The following ECPAS variants were observed in gnomAD, a reference collection of about 807,000 sequenced individuals.
ECPAS encodes proteasome adapter and scaffold protein ECM29.
In ECPAS, 70 loss-of-function variants were observed where a neutral mutation model predicts 255.1. That is an observed-to-expected ratio of 0.27 (90% CI 0.23 to 0.33). The LOEUF is 0.33. Among genes scored for constraint, ECPAS ranks in the 10% least tolerant of loss-of-function variants. The pLI is 1.00. For synonymous variants in ECPAS, 784 were observed against 775.0 expected (o/e 1.01, Z -0.19); for missense variants, 1,817 against 2,206.4 (o/e 0.82, Z 3.54).
At chr9:111,476,353 A>G (rs1564571264) in intron 1 of ECPAS, among the ~76,000 whole-genome samples, 1 of 152,234 alleles carries the variant, frequency 6.6e-6, no homozygotes, top group Non-Finnish European at 1.5e-5. Flanking sequence ...AAGTGGCAGA[A>G]GATAGTATTA....
intron 12 of ECPAS, among the ~76,000 whole-genome samples, chr9:111,424,301 A>C (rs1175903263): frequency 6.6e-6 from 1 of 152,192 alleles, no homozygotes; most frequent in Admixed American, 6.5e-5. Flanking sequence ...AACTCATTCA[A>C]TCTTCACAGT....
At position 111,370,493 on chromosome 9, in the gene ECPAS, G is replaced by A. The variant is rs771565774; in HGVS notation, c.4916C>T (p.Ala1639Val). The A allele has an allele frequency of 1.2e-6, 2 of 1,611,062 alleles. No homozygotes were observed. Among genetic ancestry groups the A allele is most frequent in the Non-Finnish European group, 1.7e-6 (2 of 1,178,626 alleles). The change falls in exon 45 of 50, where the codon GCC becomes GTC. Residue 1639 changes from alanine (A) to valine (V), a missense_variant. This residue lies in a region of ECPAS where 960 missense variants were observed against 1,179.0 expected (regional missense o/e 0.81). Transcript: ENST00000684092. ...CTCCTGGAATCTGTCCTCTTTGGTG[G>A]CCTTCAAGATATCAGCTGCACAGCT... ...AISCAADILK[A>V]TKEDRFQEFS...
rs751687233 is a variant in ECPAS at position 111,407,428 on chromosome 9, A to AAAAAAAAAAAAAAAAAAAAAAAAAAAAAG, written c.2652+1142_2652+1143insCTTTTTTTTTTTTTTTTTTTTTTTTTTTT. On this transcript the variant is annotated intron_variant, in intron 24 of 49. Transcript: ENST00000684092. ...GAAAAAAAAAAAAAAAAAAAAAAAA[A>AAAAAAAAAAAAAAAAAAAAAAAAAAAAAG]AAAAAAAAAACCTAGAAGAAACCCA... 1.5e-4 allele frequency among the ~76,000 whole-genome samples: 15 copies of AAAAAAAAAAAAAAAAAAAAAAAAAAAAAG among 98,822 alleles called. 2 individuals are homozygous for AAAAAAAAAAAAAAAAAAAAAAAAAAAAAG. The highest frequency in any genetic ancestry group is 2.1e-4 in the Non-Finnish European group (8 of 38,758). 64.8% of individuals were successfully genotyped at this position (98,822 alleles called of 152,430 possible).
intron 25 of ECPAS, among the ~76,000 whole-genome samples, chr9:111,395,641 C>A (rs1344867075): frequency 6.6e-6 from 1 of 152,134 alleles, no homozygotes; most frequent in Non-Finnish European, 1.5e-5. Context: ...AGATGCCTCT[C>A]TACTAACCTC....
At chr9:111,438,953 G>A (rs1008539482) in intron 6 of ECPAS, among the ~76,000 whole-genome samples, 3 of 152,186 alleles carry the variant, frequency 2.0e-5, no homozygotes, top group Admixed American at 2.0e-4. Flanking sequence ...AGGAAAGAAA[G>A]AAGATGAAAA....
At position 111,385,360 on chromosome 9, in the gene ECPAS, A is replaced by G. The variant is rs767931399; in HGVS notation, c.3610T>C (p.Phe1204Leu). ...ACCTTGATATCATCTTGTACTCTAAAAAGCGTTTCCCAAATTTCTGGAAGT... is the reference window on the plus strand; with the variant it reads ...ACCTTGATATCATCTTGTACTCTAAGAAGCGTTTCCCAAATTTCTGGAAGT... The part of the protein sequence containing the change: ...DKLPEIWETL[F>L]RVQDDIKESV... The change falls in exon 33 of 50, where the codon TTT (phenylalanine) becomes CTT (leucine). Residue 1204 changes from phenylalanine (F) to leucine (L), a missense_variant. This residue lies in a region of ECPAS where 960 missense variants were observed against 1,179.0 expected (regional missense o/e 0.81). Coordinates refer to ENST00000684092, the MANE Select transcript of ECPAS (RefSeq NM_001364929.1). 1 of 1,555,498 alleles carries G rather than the reference A, an allele frequency of 6.4e-7. No individual in the cohort carries two copies. Among genetic ancestry groups the G allele is most frequent in the African/African-American group, 1.4e-5 (1 of 73,688 alleles).
intron 12 of ECPAS, among the ~76,000 whole-genome samples, chr9:111,424,824 T>C (rs191059199): frequency 7.2e-4 from 110 of 152,352 alleles, no homozygotes; most frequent in African/African-American, 2.6e-3. Flanking sequence ...ATTCCATTTT[T>C]GCACAATAGC....
At chr9:111,405,362 T>C (rs896660653) in intron 24 of ECPAS, among the ~76,000 whole-genome samples, 12 of 149,594 alleles carry the variant, frequency 8.0e-5, no homozygotes, top group Non-Finnish European at 5.9e-5. Flanking sequence ...GATATCCACA[T>C]GTAGAATAAT....
chr9:111,422,277 C>G (rs1346232346), intron 13 of ECPAS, 77 bp from the exon 14 acceptor site: 1 of 1,458,594 alleles, frequency 6.9e-7, no homozygotes, highest in South Asian at 1.2e-5. Context: ...AAACTAAACA[C>G]AAATTTTCCT....
intron 16 of ECPAS, among the ~76,000 whole-genome samples, chr9:111,418,349 T>C (rs1564531539): frequency 6.6e-6 from 1 of 152,132 alleles, no homozygotes; most frequent in African/African-American, 2.4e-5. Flanking sequence ...ATTTTAGAAG[T>C]CAGTGACTAT....
intron 2 of ECPAS, among the ~76,000 whole-genome samples, chr9:111,469,663 G>A (rs893327234): frequency 2.0e-5 from 3 of 151,696 alleles, no homozygotes; most frequent in African/African-American, 7.3e-5. Flanking sequence ...ACAAAAATTA[G>A]CTAGGCATGG....
intron 2 of ECPAS, among the ~76,000 whole-genome samples, chr9:111,459,346 C>T (rs2098270569): frequency 1.3e-5 from 2 of 152,088 alleles, no homozygotes; most frequent in African/African-American, 4.8e-5. Flanking sequence ...CTGCCTCAAA[C>T]TCCCAAAGTG....
chr9:111,368,049 C>CA (rs559294765), intron 46 of ECPAS, among the ~76,000 whole-genome samples: 1,927 of 141,956 alleles, frequency 0.014, 42 homozygotes, highest in African/African-American at 0.044. Flanking sequence ...AAAAAACAAA[C>CA]AAAAAAAAAA....
At chr9:111,389,833 C>A in intron 30 of ECPAS, 110 bp from the exon 31 acceptor site, 1 of 1,249,600 alleles carries the variant, frequency 8.0e-7, no homozygotes, top group Non-Finnish European at 1.1e-6. Flanking sequence ...ATTTATTGGT[C>A]TTTCCAATCA....
chr9:111,411,246 A>T, intron 21 of ECPAS, 104 bp from the exon 22 acceptor site: 1 of 1,179,390 alleles, frequency 8.5e-7, no homozygotes, highest in South Asian at 1.4e-5. Flanking sequence ...CCAACAAAAC[A>T]TAAGGCTAAA....
intron 29 of ECPAS, 110 bp downstream of exon 29, chr9:111,391,646 C>A: frequency 1.6e-6 from 1 of 639,164 alleles, no homozygotes; most frequent in Non-Finnish European, 2.7e-6. Context: ...CAATAGATAA[C>A]ATTTCCTAAG....
intron 20 of ECPAS, among the ~76,000 whole-genome samples, chr9:111,413,622 T>C (rs893804075): frequency 2.0e-5 from 3 of 151,278 alleles, no homozygotes; most frequent in African/African-American, 7.3e-5. Context: ...CACAAATCTA[T>C]TGCTTATTTT....
At chr9:111,422,941 G>C (rs1463718567) in intron 13 of ECPAS, among the ~76,000 whole-genome samples, 1 of 152,134 alleles carries the variant, frequency 6.6e-6, no homozygotes, top group Non-Finnish European at 1.5e-5. Context: ...TACAAAAAAA[G>C]TAACCCATTA....
chr9:111,376,977 T>C (rs1439645871), intron 36 of ECPAS, among the ~76,000 whole-genome samples: 1 of 152,206 alleles, frequency 6.6e-6, no homozygotes, highest in Non-Finnish European at 1.5e-5. Context: ...ACAACTGTGC[T>C]GAAGGAGAGG....
Sources: allele counts gnomAD v4.1 joint callset (sites outside exome capture counted in the v4.1 genomes callset), GRCh38; gene constraint gnomAD v4.1.1; regional missense constraint gnomAD v4.1.1; transcripts MANE v1.5; gene names NCBI Gene and HGNC (gene_info 2026-07-23, HGNC 2026-07-21).